Variants in RPGRIP1L observed in about 807,000 individuals in gnomAD.
The protein encoded by RPGRIP1L is protein fantom.
Under a neutral mutation model 160.4 loss-of-function variants are expected in RPGRIP1L, and 131 were observed. That is an observed-to-expected ratio of 0.82 (90% CI 0.71 to 0.94). RPGRIP1L has a LOEUF of 0.94. Among genes scored for constraint, RPGRIP1L ranks in the 40% least tolerant of loss-of-function variants. The probability of loss-of-function intolerance (pLI) is 0.00; values close to 1 mark genes in which losing one functional copy is unlikely to be tolerated. For synonymous variants in RPGRIP1L, 510 were observed against 515.8 expected (o/e 0.99, Z 0.15); for missense variants, 1,522 against 1,535.8 (o/e 0.99, Z 0.15).
intron 26 of RPGRIP1L, 155 bp downstream of exon 26, chr16:53,605,326 C>A: frequency 1.3e-6 from 1 of 776,576 alleles, no homozygotes; most frequent in South Asian, 1.4e-5. Flanking sequence ...TATAGGAAGA[C>A]GCTTCAGCTT....
chr16:53,652,798 A>C lies in RPGRIP1L; in HGVS notation c.1889T>G (p.Val630Gly). ...VLQASGDKEP[V>G]TFCTYAFYDF... ...ATAGAAAGCATAGGTACAGAAAGTG[A>C]CAGGCTCTTTATCTCCAGATGCCTG... The change falls in exon 15 of 27, where the codon GTC becomes GGC. Residue 630 changes from valine (V) to glycine (G), a missense_variant. By Grantham distance (109) the Val-to-Gly change is moderately radical. Coordinates refer to ENST00000647211, the MANE Select transcript of RPGRIP1L (RefSeq NM_015272.5). 6.2e-7 allele frequency: 1 copy of C among 1,614,144 alleles called. No homozygotes were observed.
intron 6 of RPGRIP1L, among the ~76,000 whole-genome samples, chr16:53,675,681 T>C (rs543540189): frequency 2.6e-5 from 4 of 152,154 alleles, no homozygotes; most frequent in Non-Finnish European, 5.9e-5. Flanking sequence ...ATACTAACAA[T>C]GTCCAAAGCT....
chr16:53,673,172 G>A (rs985488003), intron 7 of RPGRIP1L, among the ~76,000 whole-genome samples, 156 bp from the exon 8 acceptor site: 3 of 152,102 alleles, frequency 2.0e-5, no homozygotes, highest in African/African-American at 4.8e-5. Context: ...TGATGTATAC[G>A]TGCTACTTAT....
intron 4 of RPGRIP1L, 83 bp downstream of exon 4, chr16:53,691,983 T>C: frequency 1.5e-6 from 2 of 1,315,136 alleles, no homozygotes; most frequent in Admixed American, 3.4e-5. Context: ...GCATGCGTAA[T>C]ACAGAAGTAA....
At chr16:53,638,739 G>A (rs1306246805) in intron 19 of RPGRIP1L, among the ~76,000 whole-genome samples, 9 of 151,428 alleles carry the variant, frequency 5.9e-5, no homozygotes, top group Admixed American at 5.9e-4. Context: ...CTGTGTAACT[G>A]TGAAAAAAAA....
chr16:53,615,466 A>ATTTTTTTTTT (rs1297781617), intron 24 of RPGRIP1L, among the ~76,000 whole-genome samples: 2 of 66,430 alleles, frequency 3.0e-5, no homozygotes, highest in African/African-American at 6.4e-5. Flanking sequence ...ATATATATAT[A>ATTTTTTTTTT]TATATATTTT....
intron 10 of RPGRIP1L, among the ~76,000 whole-genome samples, chr16:53,663,638 C>G (rs1967996479): frequency 6.6e-6 from 1 of 151,958 alleles, no homozygotes; most frequent in African/African-American, 2.4e-5. Flanking sequence ...GACATGAAAA[C>G]TTAAAAAAAT....
chr16:53,637,675 A>G lies in RPGRIP1L; in HGVS notation c.3220+20T>C. 3 of 1,598,924 alleles carry G rather than the reference A, an allele frequency of 1.9e-6. No homozygotes were observed. The highest frequency in any genetic ancestry group is 2.6e-6 in the Non-Finnish European group (3 of 1,174,818). ...AGCACAGGGTTAACTAAACAATGTT[A>G]GTTTAAATAAGAAAGTCACCTTCTG... is the stretch of plus-strand genomic sequence containing the variant. On this transcript the variant is annotated intron_variant, in intron 21 of 26. Coordinates refer to ENST00000647211, the MANE Select transcript of RPGRIP1L (RefSeq NM_015272.5).
At chr16:53,694,474 T>C (rs1439880954) in intron 3 of RPGRIP1L, 1 of 151,966 alleles carries the variant, frequency 6.6e-6, no homozygotes, top group Non-Finnish European at 1.5e-5. Flanking sequence ...AAAGGTAGTT[T>C]ATAAAATCTA....
Position 53,700,671 on chromosome 16 carries a change from C to T in RPGRIP1L, c.53G>A (p.Gly18Asp), listed in dbSNP as rs1432623543. Residue 18 changes from glycine to aspartate, a missense_variant, in exon 2 of 27, where the codon GGT (glycine) becomes GAT (aspartate). Gly to Asp is a moderately conservative substitution (Grantham distance 94). Transcript: ENST00000647211. ...CCCTCCCATTCCAAAGAGGTTTAGA[C>T]CTGTATCTTTCACAGGCAAGTCTCC... ...TAGDLPVKDT[G>D]LNLFGMGGLQ... The T allele has an allele frequency of 8.7e-6, 14 of 1,613,420 alleles. No individual in the cohort carries two copies. The highest frequency in any genetic ancestry group is 4.0e-5 in the African/African-American group (3 of 74,916).
chr16:53,701,131 C>G (rs2151419396), intron 1 of RPGRIP1L, among the ~76,000 whole-genome samples: 1 of 152,276 alleles, frequency 6.6e-6, no homozygotes, highest in African/African-American at 2.4e-5. Flanking sequence ...TTCAGTCTCT[C>G]AGTTTTAAAA....
In RPGRIP1L at chr16:53,652,581, T is replaced by A; in HGVS notation, c.2106A>T (p.Glu702Asp). The change falls in exon 15 of 27, where the codon GAA becomes GAT. Residue 702 changes from glutamate to aspartate, a missense_variant. By Grantham distance (45) the Glu-to-Asp change is conservative. Coordinates refer to ENST00000647211, the MANE Select transcript of RPGRIP1L (RefSeq NM_015272.5). ...ATATTCGGCCGCTTTTTTCAAGAAT[T>A]TCGTGAAATTTTAATTGACATGCTG... The part of the protein sequence containing the change: ...TIAACQLKFH[E>D]ILEKSGRIFC... The A allele has an allele frequency of 6.2e-7, 1 of 1,614,120 alleles. No individual in the cohort carries two copies. The highest frequency in any genetic ancestry group is 8.5e-7 in the Non-Finnish European group (1 of 1,180,004).
chr16:53,674,873 A>G (rs1398114099), intron 7 of RPGRIP1L, 144 bp downstream of exon 7: 1 of 612,300 alleles, frequency 1.6e-6, no homozygotes, highest in Non-Finnish European at 2.9e-6. Context: ...AAGGGAAATG[A>G]TACACATTTG....
intron 22 of RPGRIP1L, among the ~76,000 whole-genome samples, chr16:53,629,013 T>C (rs542695783): frequency 1.3e-5 from 2 of 152,200 alleles, no homozygotes; most frequent in African/African-American, 4.8e-5. Context: ...TGTGTATAAA[T>C]AGATACAAAC....
At chr16:53,665,297 T>A (rs948984018) in intron 9 of RPGRIP1L, among the ~76,000 whole-genome samples, 2 of 152,186 alleles carry the variant, frequency 1.3e-5, no homozygotes, top group African/African-American at 4.8e-5. Context: ...GGAATTCAGA[T>A]ACTGTACATA....
Position 53,619,204 on chromosome 16 carries a change from G to T in RPGRIP1L, c.3437C>A (p.Ser1146Ter). 6.2e-7 allele frequency: 1 copy of T among 1,612,930 alleles called. No individual in the cohort carries two copies. Among genetic ancestry groups the T allele is most frequent in the Non-Finnish European group, 8.5e-7 (1 of 1,179,832 alleles). Residue 1146 changes from serine to a stop codon, truncating the protein, a stop_gained, in exon 24 of 27, where the codon TCA becomes TAA. Transcript: ENST00000647211. LOFTEE classifies it high-confidence loss of function. ...ITGACHHTQPSEKIRIEIIAL... is the reference protein window; with the variant it reads ...ITGACHHTQP ...TATGATCTCAATCCGAATTTTTTCT[G>T]ATGGCTGTTTAAAGAGCAAAAACAA...
intron 6 of RPGRIP1L, among the ~76,000 whole-genome samples, chr16:53,676,703 G>A (rs1444703447): frequency 6.6e-6 from 1 of 151,752 alleles, no homozygotes; most frequent in African/African-American, 2.4e-5. Flanking sequence ...GCGCGATCTC[G>A]GCTACTGCAA....
At chr16:53,605,963 G>A (rs1367424573) in intron 25 of RPGRIP1L, among the ~76,000 whole-genome samples, 1 of 152,162 alleles carries the variant, frequency 6.6e-6, no homozygotes, top group Non-Finnish European at 1.5e-5. Flanking sequence ...AGGATGAAGT[G>A]AATAAAGACC....
intron 22 of RPGRIP1L, among the ~76,000 whole-genome samples, chr16:53,631,904 A>C (rs1439787453): frequency 6.6e-6 from 1 of 152,186 alleles, no homozygotes; most frequent in Non-Finnish European, 1.5e-5. Flanking sequence ...TATGTTAATG[A>C]CTTGATTTAA....
Sources: allele counts gnomAD v4.1 joint callset (sites outside exome capture counted in the v4.1 genomes callset), GRCh38; gene constraint gnomAD v4.1.1; transcripts MANE v1.5; gene names NCBI Gene and HGNC (gene_info 2026-07-23, HGNC 2026-07-21).